The following SRPRA variants were observed in gnomAD, a reference collection of about 807,000 sequenced individuals.
SRPRA encodes the protein signal recognition particle receptor subunit alpha.
SRPRA carries 30 observed loss-of-function variants against 61.1 expected under a neutral mutation model. That is an observed-to-expected ratio of 0.49 (90% CI 0.37 to 0.67). The LOEUF (loss-of-function observed/expected upper bound fraction) is 0.67. SRPRA is among the 30% of genes least tolerant of loss of function. The pLI, the probability that SRPRA is intolerant of heterozygous loss-of-function variation, is 0.00. For synonymous variants in SRPRA, 324 were observed against 299.7 expected (o/e 1.08, Z -0.84); for missense variants, 759 against 828.4 (o/e 0.92, Z 1.03).
At chr11:126,238,786 C>T in the SRPRA span, among the ~76,000 whole-genome samples, 2 of 152,068 alleles carry the variant, frequency 1.3e-5, no homozygotes, top group Non-Finnish European at 2.9e-5. Flanking sequence ...CCAAGGGAAT[C>T]GGCCTTTGCA....
In SRPRA at chr11:126,265,164, G is replaced by A. The variant is rs1181074565; in HGVS notation, c.1320C>T (p.Phe440=). Residue 440 remains phenylalanine, a synonymous_variant, in exon 11 of 14, where the codon TTC becomes TTT. Transcript: ENST00000332118. The surrounding 1 kb of genome is among the most constrained non-coding windows in gnomAD (Gnocchi z 6.3). ...GKSTNLAKIS[F]WLLENGFSVL... is the part of the protein sequence containing the mutation. Reference sequence around the variant, plus strand: ...CACTGAAGCCATTCTCTAACAACCAGAAGGAAATCTGTGAAAAAGACGTAA... The same window carrying A: ...CACTGAAGCCATTCTCTAACAACCAAAAGGAAATCTGTGAAAAAGACGTAA... The A allele has an allele frequency of 6.2e-7, 1 of 1,614,154 alleles. No individual in the cohort carries two copies. Among genetic ancestry groups the A allele is most frequent in the Non-Finnish European group, 8.5e-7 (1 of 1,180,020 alleles).
the SRPRA span, chr11:126,256,869 A>G: frequency 1.3e-6 from 2 of 1,596,458 alleles, no homozygotes; most frequent in Non-Finnish European, 1.7e-6. This position sits in a 1 kb window ranked among gnomAD's most constrained non-coding sequence, Gnocchi z 6.6. Flanking sequence ...TGCATTTTGA[A>G]GCTGAGGGGA....
Position 126,267,844 on chromosome 11 carries a change from A to G in SRPRA, c.202-132T>C. ...GTTTCCCTGTCCTGAGAGGCAGCCA[A>G]GCTCCCTGCCTGGGCCCAGTAGCTG... On this transcript the variant is annotated intron_variant, in intron 2 of 13. Coordinates refer to ENST00000332118, the MANE Select transcript of SRPRA (RefSeq NM_003139.4). The surrounding 1 kb of genome is among the most constrained non-coding windows in gnomAD (Gnocchi z 4.2). 1.4e-6 allele frequency: 2 copies of G among 1,421,908 alleles called. No individual in the cohort carries two copies. The highest frequency in any genetic ancestry group is 1.3e-5 in the South Asian group (1 of 78,002). The allele number at this position is 1,421,908 out of a possible 1,614,324, so 88.1% of individuals were successfully genotyped here. A position where few individuals can be genotyped will look rare whatever the true frequency, so the allele number is the denominator to read the frequency against.
chr11:126,266,163 A>G (rs1565346458), intron 7 of SRPRA, 24 bp downstream of exon 7: 6 of 1,613,634 alleles, frequency 3.7e-6, no homozygotes, highest in Middle Eastern at 1.6e-4. Flanking sequence ...TGCATATACC[A>G]ACCCCCACCT....
At chr11:126,250,764 G>A in the SRPRA span, 2 of 1,503,062 alleles carry the variant, frequency 1.3e-6, no homozygotes, top group Middle Eastern at 1.7e-4. The surrounding 1 kb of genome is among the most constrained non-coding windows in gnomAD (Gnocchi z 5.1). Flanking sequence ...CCCTTCTTCA[G>A]GCTAGTGGAT....
the SRPRA span, among the ~76,000 whole-genome samples, chr11:126,242,842 A>G: frequency 2.0e-5 from 3 of 152,236 alleles, no homozygotes; most frequent in Admixed American, 1.3e-4. Context: ...CAGTGATTCT[A>G]TGAACCAGCA....
At chr11:126,241,891 G>C in the SRPRA span, among the ~76,000 whole-genome samples, 12 of 152,058 alleles carry the variant, frequency 7.9e-5, no homozygotes, top group Admixed American at 1.3e-4. Flanking sequence ...GGCCAGGCGT[G>C]GTGGGCACCT....
Position 126,265,618 on chromosome 11 carries a change from A to G in SRPRA, c.1138+119T>C. On this transcript the variant is annotated intron_variant, in intron 9 of 13. Transcript: ENST00000332118. This position sits in a 1 kb window ranked among gnomAD's most constrained non-coding sequence, Gnocchi z 6.3. ...CTGAATCCTCTCAATAACCCTTAAA[A>G]TCTAGGTTACAGAGGTTTAGAGGTT... 2 of 1,277,760 alleles carry G rather than the reference A, an allele frequency of 1.6e-6. No homozygotes were observed. The highest frequency in any genetic ancestry group is 2.2e-6 in the Non-Finnish European group (2 of 903,068). 79.2% of individuals were successfully genotyped at this position (1,277,760 alleles called of 1,614,324 possible). A position where few individuals can be genotyped will look rare whatever the true frequency, so the allele number is the denominator to read the frequency against.
chr11:126,268,823 G>C lies in SRPRA; in HGVS notation c.-19C>G, dbSNP rs1239692087. On this transcript the variant is annotated 5_prime_UTR_variant, in exon 1 of 14. Transcript: ENST00000332118. ...CGAGCATGGCGGCAGCGGCAGAGGA[G>C]CTGGGGCCGGCGCCGGGAATTCAGG... 4 of 1,600,634 alleles carry C rather than the reference G, an allele frequency of 2.5e-6. No individual in the cohort carries two copies. The highest frequency in any genetic ancestry group is 3.4e-6 in the Non-Finnish European group (4 of 1,168,950).
At position 126,264,444 on chromosome 11, in the gene SRPRA, C is replaced by G. The variant is rs370074270; in HGVS notation, c.1621G>C (p.Val541Leu). 2.5e-6 allele frequency: 4 copies of G among 1,614,236 alleles called. No homozygotes were observed. The highest frequency in any genetic ancestry group is 3.4e-6 in the Non-Finnish European group (4 of 1,180,058). The change falls in exon 12 of 14, where the codon GTC becomes CTC. Residue 541 changes from valine to leucine, a missense_variant. By Grantham distance (32) the Val-to-Leu change is conservative. Around this residue, in one of 2 missense-constraint regions of SRPRA, gnomAD observed 284 missense variants for 365.9 expected, o/e 0.78. Transcript: ENST00000332118. This position sits in a 1 kb window ranked among gnomAD's most constrained non-coding sequence, Gnocchi z 5.0. Reference sequence around the variant, plus strand: ...AACAGCACCAAATCAGGTGTATTGACAGTAATGAGTTTGGCCAGGGCAGTC... The same window carrying G: ...AACAGCACCAAATCAGGTGTATTGAGAGTAATGAGTTTGGCCAGGGCAGTC... ...LMTALAKLIT[V>L]NTPDLVLFVG...
At chr11:126,251,755 C>A in the SRPRA span, among the ~76,000 whole-genome samples, 1 of 142,492 alleles carries the variant, frequency 7.0e-6, no homozygotes, top group Non-Finnish European at 1.5e-5. Context: ...TTTTGAGAGA[C>A]AGTTTCGCTC....
At chr11:126,266,451 C>A in intron 6 of SRPRA, 25 bp downstream of exon 6, 1 of 1,606,662 alleles carries the variant, frequency 6.2e-7, no homozygotes, top group Non-Finnish European at 8.5e-7. Flanking sequence ...TGTTAAAGAT[C>A]ACTTTGACCC....
At chr11:126,252,026 G>T in the SRPRA span, among the ~76,000 whole-genome samples, 1 of 151,376 alleles carries the variant, frequency 6.6e-6, no homozygotes, top group Non-Finnish European at 1.5e-5. The surrounding 1 kb of genome is among the most constrained non-coding windows in gnomAD (Gnocchi z 4.7). Flanking sequence ...TGCTCTTGTC[G>T]CCCAGGCTGA....
chr11:126,236,759 A>T, the SRPRA span, among the ~76,000 whole-genome samples: 1 of 131,190 alleles, frequency 7.6e-6, no homozygotes, highest in Non-Finnish European at 1.7e-5. Context: ...GTGTTGCTTT[A>T]TTTTTTTCCC....
chr11:126,267,811 C>T lies in SRPRA; in HGVS notation c.202-99G>A. 1 of 1,536,206 alleles carries T rather than the reference C, an allele frequency of 6.5e-7. No homozygotes were observed. Among genetic ancestry groups the T allele is most frequent in the African/African-American group, 1.4e-5 (1 of 73,358 alleles). ...TGGCTTTCAGAGATAGGTTCAGCTA[C>T]CTGGCCGGTTTCCCTGTCCTGAGAG... On this transcript the variant is annotated intron_variant, in intron 2 of 13. Coordinates refer to ENST00000332118, the MANE Select transcript of SRPRA (RefSeq NM_003139.4). The surrounding 1 kb of genome is among the most constrained non-coding windows in gnomAD (Gnocchi z 4.2).
chr11:126,267,659 G>A lies in SRPRA; in HGVS notation c.255C>T (p.Asp85=), dbSNP rs369372593. The change falls in exon 3 of 14, where the codon GAC becomes GAT. Residue 85 remains aspartate, a synonymous_variant. Coordinates refer to ENST00000332118, the MANE Select transcript of SRPRA (RefSeq NM_003139.4). This position sits in a 1 kb window ranked among gnomAD's most constrained non-coding sequence, Gnocchi z 4.2. ...ACTTGTCCCGAAACAGCCGATGCAC[G>A]TCATCTATCAATTTGTCTACATATG... ...TLTYVDKLID[D]VHRLFRDKYR... is the part of the protein sequence containing the mutation. The A allele has an allele frequency of 2.3e-5, 37 of 1,613,990 alleles. No homozygotes were observed. In the African/African-American group the frequency reaches 3.6e-4, roughly 16 times the overall value.
At chr11:126,250,252 C>T in the SRPRA span, among the ~76,000 whole-genome samples, 1 of 152,102 alleles carries the variant, frequency 6.6e-6, no homozygotes, top group Admixed American at 6.5e-5. This position sits in a 1 kb window ranked among gnomAD's most constrained non-coding sequence, Gnocchi z 5.1. Context: ...TCACCACGCC[C>T]TGCTAATTTT....
chr11:126,237,852 T>A, the SRPRA span, among the ~76,000 whole-genome samples: 4 of 133,010 alleles, frequency 3.0e-5, no homozygotes, highest in Admixed American at 7.7e-5. Flanking sequence ...CTAGACTCCG[T>A]CTCCAAAAAA....
At chr11:126,266,138 TA>T in intron 7 of SRPRA, 48 bp downstream of exon 7, 2 of 1,612,994 alleles carry the variant, frequency 1.2e-6, no homozygotes, top group Non-Finnish European at 1.7e-6. Context: ...AGTTGTATCT[TA>T]CCAGTTTTGC....
Sources: gnomAD v4.1 joint callset for allele counts (sites outside exome capture counted in the v4.1 genomes callset) on GRCh38, gnomAD v4.1.1 for gene constraint, gnomAD v4.1.1 regional missense constraint, Gnocchi (gnomAD v3.1) non-coding constraint, MANE v1.5 for transcripts, NCBI Gene and HGNC (gene_info 2026-07-23, HGNC 2026-07-21) for gene names.